Variants in DNAAF9 observed in about 807,000 individuals in gnomAD.
DNAAF9 encodes the protein shulin.
Under a neutral mutation model 167.0 loss-of-function variants are expected in DNAAF9, and 90 were observed. The observed-to-expected ratio is 0.54, with a 90% CI of 0.45 to 0.64. DNAAF9 has a LOEUF of 0.64. Among genes scored for constraint, DNAAF9 ranks in the 30% least tolerant of loss-of-function variants. The probability of loss-of-function intolerance (pLI) is 0.00; values close to 1 mark genes in which losing one functional copy is unlikely to be tolerated. For synonymous variants in DNAAF9, 491 were observed against 508.8 expected, an observed-to-expected ratio of 0.96 and a Z score of 0.47; for missense variants, 1,315 against 1,442.2, an observed-to-expected ratio of 0.91 and a Z score of 1.43.
chr20:3,340,484 CAGGCAGTCCAG>C lies in DNAAF9; in HGVS notation c.981+9_981+19del. ...CTTGATAATAAAACTAATCAAGCAC[CAGGCAGTCCAG>C]CCACTTACCATGTGCTTGGCAAAGC... On this transcript the variant is annotated intron_variant, in intron 10 of 36. Coordinates refer to ENST00000252032, the MANE Select transcript of DNAAF9 (RefSeq NM_001009984.3). 9.0e-7 allele frequency: 1 copy of C among 1,106,618 alleles called. No individual in the cohort carries two copies. Among genetic ancestry groups the C allele is most frequent in the East Asian group, 5.4e-5 (1 of 18,592 alleles). 68.5% of individuals were successfully genotyped at this position (1,106,618 alleles called of 1,614,324 possible).
At chr20:3,399,571 G>T (rs1600931727) in intron 1 of DNAAF9, among the ~76,000 whole-genome samples, 1 of 152,050 alleles carries the variant, frequency 6.6e-6, no homozygotes. Context: ...CAGGTCCTTT[G>T]CCTCCAGAGT....
chr20:3,284,173 CTTTTTTTTTTT>C lies in DNAAF9; in HGVS notation c.2487-2418_2487-2408del, dbSNP rs200633758. On this transcript the variant is annotated intron_variant, in intron 27 of 36. Transcript: ENST00000252032. The stretch of plus-strand genomic sequence containing the variant: ...AGCACCACGCTCAAGTTACTAGAGT[CTTTTTTTTTTT>C]TTTTTTTTTTTTTTGAGACAGAGTC... Among the ~76,000 whole-genome samples the C allele has an allele frequency of 7.6e-5, 9 of 118,234 alleles. No homozygotes were observed. The East Asian group carries it at 1.8e-3, about 24-fold the overall frequency. 77.6% of individuals were successfully genotyped at this position (118,234 alleles called of 152,430 possible).
At chr20:3,381,076 C>T (rs986916125) in intron 3 of DNAAF9, among the ~76,000 whole-genome samples, 7 of 152,198 alleles carry the variant, frequency 4.6e-5, no homozygotes, top group Non-Finnish European at 7.3e-5. Flanking sequence ...GAACCGTTAG[C>T]ATGTAGAGGC....
chr20:3,340,393 A>G, intron 10 of DNAAF9, 111 bp downstream of exon 10: 1 of 863,260 alleles, frequency 1.2e-6, no homozygotes, highest in East Asian at 2.7e-5. Context: ...ATTCAGGGTT[A>G]AATCAACACA....
At chr20:3,277,934 A>T (rs1336653627) in intron 29 of DNAAF9, among the ~76,000 whole-genome samples, 1 of 152,188 alleles carries the variant, frequency 6.6e-6, no homozygotes, top group Non-Finnish European at 1.5e-5. Context: ...TGGCAATACG[A>T]TCAGCAGGAT....
At chr20:3,288,253 C>T (rs2068886179) in intron 26 of DNAAF9, among the ~76,000 whole-genome samples, 1 of 152,178 alleles carries the variant, frequency 6.6e-6, no homozygotes, top group Non-Finnish European at 1.5e-5. Flanking sequence ...AGGTTCAAGA[C>T]CAGCCTGACC....
intron 28 of DNAAF9, among the ~76,000 whole-genome samples, chr20:3,280,139 TA>T (rs2068741116): frequency 6.6e-6 from 1 of 152,108 alleles, no homozygotes; most frequent in South Asian, 2.1e-4. Flanking sequence ...CCATGTGCTA[TA>T]AGCAGGGTCA....
At chr20:3,362,254 C>T in intron 6 of DNAAF9, 1 of 1,358,498 alleles carries the variant, frequency 7.4e-7, no homozygotes, top group Non-Finnish European at 1.0e-6. Context: ...TCCTTTCTGG[C>T]TTTCTTCGAG....
chr20:3,359,565 T>C lies in DNAAF9; in HGVS notation c.641A>G (p.Asn214Ser). ...CATAGGATCCATCTTGCTGTAGACA[T>C]TCCATAGATTCAAACTCACATCCTG... ...ELQDVSLNLWNVYSKMDPMSL... is the reference protein window; with the variant it reads ...ELQDVSLNLWSVYSKMDPMSL... The change falls in exon 7 of 37, where the codon AAT (asparagine) becomes AGT (serine). Residue 214 changes from asparagine (N) to serine (S), a missense_variant. Physicochemically the swap from Asn to Ser is conservative, Grantham distance 46. Around this residue, in one of 2 missense-constraint regions of DNAAF9, gnomAD observed 981 missense variants for 1,012.5 expected, o/e 0.97. Transcript: ENST00000252032. 6.2e-7 allele frequency: 1 copy of C among 1,612,782 alleles called. No individual in the cohort carries two copies. Among genetic ancestry groups the C allele is most frequent in the South Asian group, 1.1e-5 (1 of 90,866 alleles).
At chr20:3,320,272 A>G (rs1482305703) in intron 16 of DNAAF9, among the ~76,000 whole-genome samples, 1 of 152,220 alleles carries the variant, frequency 6.6e-6, no homozygotes, top group African/African-American at 2.4e-5. Flanking sequence ...TAATTTGTGT[A>G]GTACAAACTG....
chr20:3,397,370 G>A (rs951121696), intron 1 of DNAAF9, among the ~76,000 whole-genome samples: 4 of 152,006 alleles, frequency 2.6e-5, no homozygotes, highest in Admixed American at 2.0e-4. Flanking sequence ...CCAGGCTGGA[G>A]TGCAGTGGCA....
intron 21 of DNAAF9, among the ~76,000 whole-genome samples, chr20:3,302,227 C>A (rs1243677019): frequency 6.6e-6 from 1 of 152,152 alleles, no homozygotes; most frequent in Non-Finnish European, 1.5e-5. Context: ...GCATGAGCCA[C>A]TGTGCCTAGC....
At chr20:3,377,762 T>G (rs1021441457) in intron 3 of DNAAF9, among the ~76,000 whole-genome samples, 2 of 151,996 alleles carry the variant, frequency 1.3e-5, no homozygotes, top group African/African-American at 4.8e-5. Flanking sequence ...CTGGCCAAGA[T>G]CTCTGTTTTA....
chr20:3,315,100 G>A lies in DNAAF9; in HGVS notation c.1611C>T (p.Gly537=), dbSNP rs770023172. 2 of 1,607,752 alleles carry A rather than the reference G, an allele frequency of 1.2e-6. No individual in the cohort carries two copies. The highest frequency in any genetic ancestry group is 4.5e-5 in the East Asian group (2 of 44,868). Residue 537 remains glycine (G), a synonymous_variant, in exon 20 of 37, where the codon GGC becomes GGT. Transcript: ENST00000252032. The surrounding 1 kb of genome is among the most constrained non-coding windows in gnomAD (Gnocchi z 4.1). ...CTCCTTCTCCTCCTGTTAGATAAGT[G>A]CCCAGGAAAGACTCATCCCCCTTTA... ...QAVRGDESFL[G]TYLTGGEGAY...
rs368275201 is a variant in DNAAF9, at chr20:3,294,207, G to A, written c.2170C>T (p.Arg724Trp). The A allele has an allele frequency of 6.2e-6, 10 of 1,612,870 alleles. No individual in the cohort carries two copies. In the East Asian group the frequency reaches 8.9e-5, roughly 14 times the overall value. The change falls in exon 25 of 37, where the codon CGG (arginine) becomes TGG (tryptophan). Residue 724 changes from arginine to tryptophan, a missense_variant. This residue lies in a region of DNAAF9 where 981 missense variants were observed against 1,012.5 expected (regional missense o/e 0.97). Coordinates refer to ENST00000252032, the MANE Select transcript of DNAAF9 (RefSeq NM_001009984.3). ...TGCAGCAGCACAGGAAGATGGGTCC[G>A]CATCACAGGCTCCTGGCTAATGCTG... ...ISSISQEPVM[R>W]THLPVLLQQA...
At chr20:3,360,755 T>C (rs1182168688) in intron 6 of DNAAF9, among the ~76,000 whole-genome samples, 2 of 152,196 alleles carry the variant, frequency 1.3e-5, no homozygotes, top group Non-Finnish European at 2.9e-5. Context: ...CCCCAATGGA[T>C]TGCAAGGATG....
At chr20:3,357,786 C>T (rs957149604) in intron 7 of DNAAF9, among the ~76,000 whole-genome samples, 1 of 151,758 alleles carries the variant, frequency 6.6e-6, no homozygotes, top group African/African-American at 2.4e-5. Context: ...GCAACCTCTG[C>T]CTCCCGGGTT....
intron 9 of DNAAF9, among the ~76,000 whole-genome samples, chr20:3,343,148 T>C (rs796082409): frequency 5.9e-5 from 9 of 152,354 alleles, no homozygotes; most frequent in African/African-American, 2.2e-4. Context: ...CTTTAGATTT[T>C]AGCAGACAAC....
rs80087421 is a variant in DNAAF9, at chr20:3,364,947, CT to C, written c.613-5355del. 8.6e-4 allele frequency among the ~76,000 whole-genome samples: 75 copies of C among 87,588 alleles called. No homozygotes were observed. The East Asian group carries it at 9.9e-3, about 12-fold the overall frequency. The allele number at this position is 87,588 out of a possible 152,430, so 57.5% of individuals were successfully genotyped here. A position where few individuals can be genotyped will look rare whatever the true frequency, so the allele number is the denominator to read the frequency against. Reference sequence around the variant, plus strand: ...CTCTCTCTCCTTCTTTTCCTTTTTTCTTTTTTTTTTTTTTGAAATAGAGCCT... The same window carrying C: ...CTCTCTCTCCTTCTTTTCCTTTTTTCTTTTTTTTTTTTTGAAATAGAGCCT... On this transcript the variant is annotated intron_variant, in intron 6 of 36. Transcript: ENST00000252032.
Sources: gnomAD v4.1 joint callset for allele counts (sites outside exome capture counted in the v4.1 genomes callset) on GRCh38, gnomAD v4.1.1 for gene constraint, gnomAD v4.1.1 regional missense constraint, Gnocchi (gnomAD v3.1) non-coding constraint, MANE v1.5 for transcripts, NCBI Gene and HGNC (gene_info 2026-07-23, HGNC 2026-07-21) for gene names.